The following CTNNA2 variants were observed in gnomAD, a reference collection of about 807,000 sequenced individuals.
The protein encoded by CTNNA2 is catenin alpha 2, also known as catenin alpha-2.
A neutral mutation model predicts 101.0 loss-of-function variants in CTNNA2; 42 were observed. The observed-to-expected ratio is 0.42, with a 90% CI of 0.32 to 0.54. CTNNA2 has a LOEUF of 0.54. CTNNA2 is among the 20% of genes least tolerant of loss of function. The probability of loss-of-function intolerance (pLI) is 0.14; values close to 1 mark genes in which losing one functional copy is unlikely to be tolerated. For synonymous variants in CTNNA2, 450 were observed against 456.4 expected, an observed-to-expected ratio of 0.99 and a Z score of 0.18; for missense variants, 871 against 1,223.1, an observed-to-expected ratio of 0.71 and a Z score of 4.29.
At chr2:79,345,758 T>G (rs968035474) in intron 3 of CTNNA2, among the ~76,000 whole-genome samples, 1 of 152,052 alleles carries the variant, frequency 6.6e-6, no homozygotes, top group South Asian at 2.1e-4. Context: ...AGTGGCACAG[T>G]TTCGACTCAC....
intron 9 of CTNNA2, among the ~76,000 whole-genome samples, chr2:80,508,823 C>T (rs761673962): frequency 2.0e-5 from 3 of 152,170 alleles, no homozygotes; most frequent in Admixed American, 1.3e-4. Context: ...CTATTTCTGG[C>T]AGGTGTGCAT....
chr2:80,574,149 T>G lies in CTNNA2; in HGVS notation c.1742-14T>G. 6.2e-7 allele frequency: 1 copy of G among 1,606,090 alleles called. No homozygotes were observed. Among genetic ancestry groups the G allele is most frequent in the Non-Finnish European group, 8.5e-7 (1 of 1,174,666 alleles). On this transcript the variant is annotated splice_polypyrimidine_tract_variant and intron_variant, in intron 12 of 18. Coordinates refer to ENST00000402739, the MANE Select transcript of CTNNA2 (RefSeq NM_001282597.3). The stretch of plus-strand genomic sequence containing the variant: ...AGAAATTGCCTAATCCTCTGCTTTT[T>G]ATTTTTAACCCAGTGATGCCACGCT...
intron 2 of CTNNA2, among the ~76,000 whole-genome samples, chr2:79,305,757 G>A (rs574643445): frequency 2.6e-5 from 4 of 152,106 alleles, no homozygotes; most frequent in South Asian, 4.2e-4. Context: ...TAAGAAACAA[G>A]GCACTTGGCC....
At position 79,432,008 on chromosome 2, in the gene CTNNA2, G is replaced by C. The variant is rs1004232259; in HGVS notation, c.-135+57995G>C. On this transcript the variant is annotated intron_variant, in intron 4 of 21. Transcript: ENST00000466387. ...AGAAATCTTACAGTACTACTGGAAA[G>C]ATATTATAGGTGACTTCCAACATGG... Among the ~76,000 whole-genome samples, 3 of 152,166 alleles carry C rather than the reference G, an allele frequency of 2.0e-5. No homozygotes were observed. In the South Asian group the frequency reaches 6.2e-4, roughly 31 times the overall value.
At chr2:80,065,310 T>C (rs1378162756) in intron 7 of CTNNA2, among the ~76,000 whole-genome samples, 2 of 151,942 alleles carry the variant, frequency 1.3e-5, no homozygotes, top group Non-Finnish European at 2.9e-5. Context: ...TACCTAGTGG[T>C]AAAGGCCATT....
At chr2:79,807,863 G>A (rs1676701317) in intron 3 of CTNNA2, among the ~76,000 whole-genome samples, 1 of 152,074 alleles carries the variant, frequency 6.6e-6, no homozygotes, top group Admixed American at 6.6e-5. Flanking sequence ...ATGGTAACTG[G>A]ATTTCCTGTC....
intron 7 of CTNNA2, among the ~76,000 whole-genome samples, chr2:80,004,047 T>A (rs1357658314): frequency 6.6e-6 from 1 of 152,154 alleles, no homozygotes; most frequent in Non-Finnish European, 1.5e-5. Context: ...GGACTCTTCA[T>A]AAGTAAGCCA....
chr2:79,998,048 G>T (rs1692680133), intron 7 of CTNNA2, among the ~76,000 whole-genome samples: 1 of 152,066 alleles, frequency 6.6e-6, no homozygotes, highest in South Asian at 2.1e-4. Context: ...GCTTATAGTG[G>T]CAGAAAAGGG....
At chr2:79,868,002 C>A (rs989962945) in intron 4 of CTNNA2, among the ~76,000 whole-genome samples, 1 of 152,104 alleles carries the variant, frequency 6.6e-6, no homozygotes, top group African/African-American at 2.4e-5. Flanking sequence ...ATCTGAGGTA[C>A]GAGATTCTCT....
intron 1 of CTNNA2, among the ~76,000 whole-genome samples, chr2:79,536,151 A>T (rs1355735466): frequency 3.3e-5 from 5 of 152,178 alleles, no homozygotes; most frequent in Non-Finnish European, 7.3e-5. Context: ...AAAGTCAGAG[A>T]TATACAAAGA....
intron 12 of CTNNA2, among the ~76,000 whole-genome samples, chr2:80,564,935 G>T (rs1573289196): frequency 6.6e-6 from 1 of 152,184 alleles, no homozygotes; most frequent in Admixed American, 6.5e-5. Flanking sequence ...GAGGAAGATT[G>T]AAATTTAGAG....
Position 80,061,897 on chromosome 2 carries a change from A to G in CTNNA2, c.1056+152100A>G, listed in dbSNP as rs989203229. Among the ~76,000 whole-genome samples, 100 of 152,344 alleles carry G rather than the reference A, an allele frequency of 6.6e-4. 1 individual carries two copies. The highest frequency in any genetic ancestry group is 1.9e-3 in the African/African-American group (81 of 41,586). On this transcript the variant is annotated intron_variant, in intron 7 of 18. Transcript: ENST00000402739. ...CATTTAGAGGCTAAAAGCATAAAGA[A>G]TTTGATGGGCATGGGGGCAAACTAC...
intron 9 of CTNNA2, among the ~76,000 whole-genome samples, chr2:80,531,895 A>G (rs1690575897): frequency 6.6e-6 from 1 of 152,178 alleles, no homozygotes; most frequent in African/African-American, 2.4e-5. Flanking sequence ...GTTTTCATCT[A>G]AACTGGGGGT....
intron 1 of CTNNA2, among the ~76,000 whole-genome samples, chr2:79,602,068 G>T (rs890990507): frequency 6.6e-6 from 1 of 152,116 alleles, no homozygotes; most frequent in Non-Finnish European, 1.5e-5. Flanking sequence ...GGGTATTTGT[G>T]TTATAGTGTC....
At chr2:79,953,725 G>T (rs972466866) in intron 7 of CTNNA2, among the ~76,000 whole-genome samples, 3 of 152,138 alleles carry the variant, frequency 2.0e-5, no homozygotes, top group East Asian at 1.9e-4. Flanking sequence ...TGGAAACCCA[G>T]TTCTTTGGGT....
chr2:80,294,306 A>G (rs1675532721), intron 7 of CTNNA2, among the ~76,000 whole-genome samples: 1 of 152,134 alleles, frequency 6.6e-6, no homozygotes, highest in South Asian at 2.1e-4. Flanking sequence ...GCGCTTTGTA[A>G]ACTAGAGTGC....
At chr2:80,340,232 A>T (rs1008128058) in intron 7 of CTNNA2, among the ~76,000 whole-genome samples, 6 of 152,198 alleles carry the variant, frequency 3.9e-5, no homozygotes, top group African/African-American at 1.2e-4. Flanking sequence ...TACAGCCAGT[A>T]ATTTGCAAGC....
intron 1 of CTNNA2, among the ~76,000 whole-genome samples, chr2:79,613,692 A>T (rs912389417): frequency 6.6e-6 from 1 of 152,174 alleles, no homozygotes; most frequent in Admixed American, 6.6e-5. Flanking sequence ...TGTAATTTTT[A>T]AAAATATTTT....
chr2:80,501,500 G>C (rs762332019), intron 9 of CTNNA2, among the ~76,000 whole-genome samples: 5 of 152,132 alleles, frequency 3.3e-5, no homozygotes, highest in Non-Finnish European at 1.5e-5. Context: ...ATGAACTGGG[G>C]TTAGAAACTC....
Sources: allele counts gnomAD v4.1 joint callset (sites outside exome capture counted in the v4.1 genomes callset), GRCh38; gene constraint gnomAD v4.1.1; transcripts MANE v1.5; gene names NCBI Gene and HGNC (gene_info 2026-07-23, HGNC 2026-07-21).